R3HDM2: variants seen among roughly 807,000 people sequenced by gnomAD.
The protein encoded by R3HDM2 is R3H domain-containing protein 2.
Under a neutral mutation model 124.5 loss-of-function variants are expected in R3HDM2, and 38 were observed. The observed-to-expected ratio is 0.31, with a 90% confidence interval of 0.24 to 0.40. The LOEUF is 0.40. R3HDM2 is among the 10% of genes least tolerant of loss of function. The pLI is 1.00. For missense variants in R3HDM2, 869 were observed against 1,236.9 expected, an observed-to-expected ratio of 0.70 and a Z score of 4.46; for synonymous variants, 391 against 448.0, an observed-to-expected ratio of 0.87 and a Z score of 1.61.
chr12:57,409,519 A>AG (rs999066998), intron 1 of R3HDM2, among the ~76,000 whole-genome samples: 13 of 151,500 alleles, frequency 8.6e-5, no homozygotes, highest in Non-Finnish European at 1.6e-4. Flanking sequence ...GGGCAAAAAA[A>AG]AAAAAAGAAA....
intron 1 of R3HDM2, among the ~76,000 whole-genome samples, chr12:57,402,511 A>G (rs2068133496): frequency 6.6e-6 from 1 of 151,892 alleles, no homozygotes; most frequent in Non-Finnish European, 1.5e-5. Context: ...TAATTTTTAT[A>G]TTTTTAGTAG....
At chr12:57,352,810 A>G (rs897201368) in intron 2 of R3HDM2, among the ~76,000 whole-genome samples, 5 of 152,110 alleles carry the variant, frequency 3.3e-5, no homozygotes, top group African/African-American at 1.2e-4. Flanking sequence ...CTTCTTATAT[A>G]GTAATTAAGA....
intron 1 of R3HDM2, among the ~76,000 whole-genome samples, chr12:57,425,812 A>G (rs564877926): frequency 1.1e-4 from 17 of 152,114 alleles, no homozygotes; most frequent in African/African-American, 3.9e-4. Flanking sequence ...AAAAACGCAC[A>G]CTTCACTCCC....
At chr12:57,293,086 G>A (rs2048983660) in intron 10 of R3HDM2, among the ~76,000 whole-genome samples, 2 of 152,168 alleles carry the variant, frequency 1.3e-5, no homozygotes, top group African/African-American at 4.8e-5. Flanking sequence ...TAGCAGAGCT[G>A]AACAGTAGAG....
chr12:57,390,172 T>TA (rs556020389), intron 2 of R3HDM2, among the ~76,000 whole-genome samples: 1,152 of 103,700 alleles, frequency 0.011, 15 homozygotes, highest in East Asian at 0.081. Context: ...GAGAAATAAC[T>TA]AAAAAAAAAA....
chr12:57,371,960 C>T (rs1053395027), intron 2 of R3HDM2, among the ~76,000 whole-genome samples: 3 of 152,158 alleles, frequency 2.0e-5, no homozygotes, highest in East Asian at 1.9e-4. Flanking sequence ...CTCCGCCTCC[C>T]GGGTTCAAGC....
At chr12:57,304,410 T>C in intron 3 of R3HDM2, 1 of 709,634 alleles carries the variant, frequency 1.4e-6, no homozygotes, top group Non-Finnish European at 1.7e-6. Context: ...GGAACTCCAA[T>C]GGGGCGTAGA....
At chr12:57,418,360 C>T (rs1373865340) in intron 1 of R3HDM2, 1 of 985,190 alleles carries the variant, frequency 1.0e-6, no homozygotes, top group Non-Finnish European at 1.2e-6. Context: ...CTTTCTTTTG[C>T]CTTCAGCAGA....
intron 2 of R3HDM2, among the ~76,000 whole-genome samples, chr12:57,395,418 C>T (rs1341777986): frequency 1.3e-5 from 2 of 151,870 alleles, no homozygotes; most frequent in Non-Finnish European, 2.9e-5. Flanking sequence ...GCGGGAGAAT[C>T]GCTTGAACCC....
intron 13 of R3HDM2, among the ~76,000 whole-genome samples, chr12:57,281,241 C>A (rs918538582): frequency 6.8e-6 from 1 of 146,684 alleles, no homozygotes; most frequent in African/African-American, 2.5e-5. Flanking sequence ...GAGCTGAGAT[C>A]GCGCCATGAC....
Position 57,303,202 on chromosome 12 carries a change from G to A in R3HDM2, c.181C>T (p.His61Tyr). 6.5e-7 allele frequency: 1 copy of A among 1,531,456 alleles called. No homozygotes were observed. The highest frequency in any genetic ancestry group is 8.9e-7 in the Non-Finnish European group (1 of 1,128,596). The allele number at this position is 1,531,456 out of a possible 1,614,324, so 94.9% of individuals were successfully genotyped here. A position where few individuals can be genotyped will look rare whatever the true frequency, so the allele number is the denominator to read the frequency against. Residue 61 changes from histidine (H) to tyrosine (Y), a missense_variant, in exon 4 of 24, where the codon CAT becomes TAT. This residue lies in a region of R3HDM2 where 267 missense variants were observed against 447.7 expected (regional missense o/e 0.60). Transcript: ENST00000402412. ...TTGGCTCTTTTCCTGGCATGACCATGGTTAGATGTCCGCCTCTGTTAGAAG... is the reference window on the plus strand; with the variant it reads ...TTGGCTCTTTTCCTGGCATGACCATAGTTAGATGTCCGCCTCTGTTAGAAG... ...RQETQRRTSN[H>Y]GHARKRAKSN...
chr12:57,419,445 CT>C (rs34978677), intron 1 of R3HDM2, among the ~76,000 whole-genome samples: 559 of 143,380 alleles, frequency 3.9e-3, no homozygotes, highest in Non-Finnish European at 4.0e-3. Context: ...ATCTGGCCAT[CT>C]TTTTTTTTTT....
chr12:57,353,072 G>A (rs1244440280), intron 2 of R3HDM2, among the ~76,000 whole-genome samples: 1 of 152,088 alleles, frequency 6.6e-6, no homozygotes, highest in Non-Finnish European at 1.5e-5. Context: ...AATGACCTCA[G>A]CATAAAGAAG....
At chr12:57,396,923 C>G (rs1310339138) in intron 1 of R3HDM2, among the ~76,000 whole-genome samples, 1 of 152,090 alleles carries the variant, frequency 6.6e-6, no homozygotes, top group African/African-American at 2.4e-5. Context: ...GAAACACCAT[C>G]TCTACTAAAA....
chr12:57,423,907 G>A (rs1247287796), intron 1 of R3HDM2, among the ~76,000 whole-genome samples: 3 of 149,778 alleles, frequency 2.0e-5, no homozygotes, highest in Admixed American at 6.7e-5. Flanking sequence ...CTGAGGTCAG[G>A]AGTTCGAGGC....
intron 11 of R3HDM2, 57 bp from the exon 12 acceptor site, chr12:57,289,097 G>GA: frequency 6.8e-7 from 1 of 1,460,482 alleles, no homozygotes; most frequent in Non-Finnish European, 9.4e-7. Flanking sequence ...TGGCATGACC[G>GA]AAAAGGATGT....
rs772341293 is a variant in R3HDM2 at position 57,268,403 on chromosome 12, T to A, written c.1930A>T (p.Met644Leu). 6.2e-7 allele frequency: 1 copy of A among 1,614,088 alleles called. No individual in the cohort carries two copies. The highest frequency in any genetic ancestry group is 1.6e-4 in the Middle Eastern group (1 of 6,062). Residue 644 changes from methionine to leucine, a missense_variant, in exon 18 of 24, where the codon ATG (methionine) becomes TTG (leucine). Transcript: ENST00000402412. ...ACAGACTGGCTCACAGGGACCAGCA[T>A]GGGTTGCTGGAAAGGCGGCTGGACC... The part of the protein sequence containing the change: ...NVVQPPFQQP[M>L]LVPVSQSVQG...
At chr12:57,371,459 C>T (rs2063375960) in intron 2 of R3HDM2, among the ~76,000 whole-genome samples, 2 of 152,118 alleles carry the variant, frequency 1.3e-5, no homozygotes, top group South Asian at 4.1e-4. Context: ...TTTTGTCATT[C>T]TTCTTCCAAG....
At chr12:57,380,768 TAA>T (rs1261650039) in intron 2 of R3HDM2, among the ~76,000 whole-genome samples, 1 of 150,458 alleles carries the variant, frequency 6.6e-6, no homozygotes, top group Non-Finnish European at 1.5e-5. Context: ...AAAGCTTTCT[TAA>T]AAAAAAAGAC....
Sources: allele counts gnomAD v4.1 joint callset (sites outside exome capture counted in the v4.1 genomes callset), GRCh38; gene constraint gnomAD v4.1.1; regional missense constraint gnomAD v4.1.1; transcripts MANE v1.5; gene names NCBI Gene and HGNC (gene_info 2026-07-23, HGNC 2026-07-21).